Variants in GRIK1 observed in about 807,000 individuals in gnomAD.
The protein encoded by GRIK1 is glutamate receptor ionotropic, kainate 1.
In GRIK1, 69 loss-of-function variants were observed where a neutral mutation model predicts 105.7. The observed-to-expected ratio is 0.65, with a 90% CI of 0.54 to 0.80. The LOEUF is 0.80. GRIK1 is among the 30% of genes least tolerant of loss of function. The pLI is 0.00. For missense variants in GRIK1, 1,109 were observed against 1,167.3 expected, an observed-to-expected ratio of 0.95 and a Z score of 0.73; for synonymous variants, 438 against 431.3, an observed-to-expected ratio of 1.02 and a Z score of -0.19.
intron 1 of GRIK1, among the ~76,000 whole-genome samples, chr21:29,752,486 A>C (rs2065230979): frequency 6.6e-6 from 1 of 152,184 alleles, no homozygotes. Flanking sequence ...GATGAGACCA[A>C]ATGGCCAGAA....
intron 1 of GRIK1, among the ~76,000 whole-genome samples, chr21:29,837,553 A>C (rs1049222503): frequency 6.6e-6 from 1 of 152,210 alleles, no homozygotes; most frequent in Non-Finnish European, 1.5e-5. Context: ...GGGGAATGAC[A>C]GCAAAGAGAA....
chr21:29,932,520 T>C (rs576148908), intron 1 of GRIK1, among the ~76,000 whole-genome samples: 1 of 152,216 alleles, frequency 6.6e-6, no homozygotes, highest in South Asian at 2.1e-4. Flanking sequence ...CTTCTTTCCT[T>C]TTTAAAAATT....
At chr21:29,905,574 T>C (rs2070583920) in intron 1 of GRIK1, among the ~76,000 whole-genome samples, 1 of 150,578 alleles carries the variant, frequency 6.6e-6, no homozygotes, top group African/African-American at 2.4e-5. Flanking sequence ...ACCTCCCTAG[T>C]AGCAGGGATT....
chr21:29,777,829 C>T (rs997636395), intron 1 of GRIK1, among the ~76,000 whole-genome samples: 1 of 152,110 alleles, frequency 6.6e-6, no homozygotes, highest in Non-Finnish European at 1.5e-5. Context: ...GAAAGAAAAA[C>T]GAATCCACAG....
At chr21:29,818,375 A>T (rs886368731) in intron 1 of GRIK1, among the ~76,000 whole-genome samples, 1 of 152,114 alleles carries the variant, frequency 6.6e-6, no homozygotes, top group Non-Finnish European at 1.5e-5. Flanking sequence ...CCAGATTTTT[A>T]GTCTAACTCT....
intron 1 of GRIK1, among the ~76,000 whole-genome samples, chr21:29,758,207 T>C (rs1345654394): frequency 1.3e-5 from 2 of 152,316 alleles, no homozygotes; most frequent in East Asian, 3.9e-4. Flanking sequence ...ATTTGGGAAA[T>C]AACATCAAGT....
chr21:29,719,822 T>A (rs534447008), intron 1 of GRIK1, among the ~76,000 whole-genome samples: 2 of 152,324 alleles, frequency 1.3e-5, no homozygotes, highest in African/African-American at 4.8e-5. Flanking sequence ...GCATAATTCA[T>A]GTTTCAAGGC....
At chr21:29,896,927 G>A (rs1005864635) in intron 1 of GRIK1, among the ~76,000 whole-genome samples, 45 of 152,230 alleles carry the variant, frequency 3.0e-4, no homozygotes, top group African/African-American at 1.1e-3. Flanking sequence ...ATTGTCAAGG[G>A]CACTTTGTAG....
intron 1 of GRIK1, among the ~76,000 whole-genome samples, chr21:29,784,107 G>A (rs1345499385): frequency 2.0e-5 from 3 of 152,078 alleles, no homozygotes; most frequent in Non-Finnish European, 2.9e-5. Context: ...GTATATTATA[G>A]GGATTGTTAC....
chr21:29,713,100 G>T (rs2064096851), intron 1 of GRIK1, among the ~76,000 whole-genome samples: 1 of 152,100 alleles, frequency 6.6e-6, no homozygotes, highest in South Asian at 2.1e-4. Flanking sequence ...CAGACTTAAA[G>T]CTCAGCAGCT....
chr21:29,743,230 G>C (rs1601581787), intron 1 of GRIK1, among the ~76,000 whole-genome samples: 1 of 152,100 alleles, frequency 6.6e-6, no homozygotes, highest in Admixed American at 6.5e-5. Flanking sequence ...GGGCATATGG[G>C]TGTTTATAGA....
intron 14 of GRIK1, among the ~76,000 whole-genome samples, chr21:29,575,895 A>C (rs897524878): frequency 7.2e-5 from 11 of 152,174 alleles, no homozygotes; most frequent in African/African-American, 2.7e-4. Context: ...AAAAAACCCC[A>C]AACAGTCCAC....
intron 1 of GRIK1, among the ~76,000 whole-genome samples, chr21:29,866,890 C>CTTGT (rs2068821299): frequency 2.0e-5 from 3 of 152,152 alleles, no homozygotes; most frequent in Non-Finnish European, 1.5e-5. Flanking sequence ...ACAAAGTACA[C>CTTGT]TTGAATATCT....
At chr21:29,768,884 C>T (rs1343429304) in intron 1 of GRIK1, among the ~76,000 whole-genome samples, 1 of 152,202 alleles carries the variant, frequency 6.6e-6, no homozygotes, top group African/African-American at 2.4e-5. Context: ...ATATAACTTT[C>T]CACCAAGCTG....
intron 7 of GRIK1, among the ~76,000 whole-genome samples, chr21:29,613,218 G>C (rs1422863239): frequency 6.6e-6 from 1 of 152,134 alleles, no homozygotes; most frequent in Admixed American, 6.5e-5. Flanking sequence ...CTCCCTTACA[G>C]ATACGTGATT....
chr21:29,728,531 G>A (rs1474185660), intron 1 of GRIK1, among the ~76,000 whole-genome samples: 1 of 152,176 alleles, frequency 6.6e-6, no homozygotes. Flanking sequence ...GTGAGAGTTA[G>A]CACTGTCGAT....
intron 14 of GRIK1, among the ~76,000 whole-genome samples, chr21:29,576,643 A>C (rs1175007463): frequency 6.6e-6 from 1 of 152,032 alleles, no homozygotes; most frequent in Non-Finnish European, 1.5e-5. Flanking sequence ...TTAATTAATG[A>C]GTGGTTAGAT....
intron 14 of GRIK1, among the ~76,000 whole-genome samples, chr21:29,572,290 C>T (rs1413025929): frequency 6.6e-6 from 1 of 152,118 alleles, no homozygotes. Flanking sequence ...TCCTTGTTCT[C>T]CTTCTGCAAA....
chr21:29,696,681 C>T (rs1294500048), intron 1 of GRIK1, among the ~76,000 whole-genome samples: 1 of 152,136 alleles, frequency 6.6e-6, no homozygotes. Flanking sequence ...AGGGAGAGCC[C>T]GCATGTAGAG....
Sources: gnomAD v4.1 joint callset for allele counts (sites outside exome capture counted in the v4.1 genomes callset) on GRCh38, gnomAD v4.1.1 for gene constraint, MANE v1.5 for transcripts, NCBI Gene and HGNC (gene_info 2026-07-23, HGNC 2026-07-21) for gene names.